Variants in NFE2L3 observed in about 807,000 individuals in gnomAD.
NFE2L3 encodes NFE2 like bZIP transcription factor 3, also known as nuclear factor erythroid 2-related factor 3.
In NFE2L3, 18 loss-of-function variants were observed where a neutral mutation model predicts 23.5. That is an observed-to-expected ratio of 0.77 (90% CI 0.53 to 1.13). The LOEUF is 1.13. Ranked by LOEUF, NFE2L3 falls within the 50% of genes most tolerant of loss-of-function variation. The pLI, the probability that NFE2L3 is intolerant of heterozygous loss-of-function variation, is 0.00. For synonymous variants in NFE2L3, 424 were observed against 354.5 expected (o/e 1.20, Z -2.20); for missense variants, 1,152 against 877.2 (o/e 1.31, Z -3.96).
At chr7:26,171,032 C>G (rs568120250) in intron 1 of NFE2L3, among the ~76,000 whole-genome samples, 2 of 152,338 alleles carry the variant, frequency 1.3e-5, no homozygotes, top group Non-Finnish European at 2.9e-5. Flanking sequence ...TTTCATCTAT[C>G]AGATTGGCAC....
intron 1 of NFE2L3, among the ~76,000 whole-genome samples, chr7:26,155,620 T>G (rs1451173635): frequency 6.6e-6 from 1 of 152,176 alleles, no homozygotes; most frequent in Non-Finnish European, 1.5e-5. Context: ...GACGTCTCAG[T>G]GCATCTGGGA....
rs1488598965 is a variant in NFE2L3 at position 26,186,554 on chromosome 7, C to G, written c.*771C>G. The G allele has an allele frequency of 1.3e-5, 2 of 152,154 alleles. No individual in the cohort carries two copies. Among genetic ancestry groups the G allele is most frequent in the East Asian group, 3.8e-4 (2 of 5,200 alleles). The allele number at this position is 152,154 out of a possible 1,614,324, so 9.4% of individuals were successfully genotyped here. A position where few individuals can be genotyped will look rare whatever the true frequency, so the allele number is the denominator to read the frequency against. ...GGTCACTGGTAGTTTGAGCCACAGGCCTTCCTCATGTAACCAGAGACAGAA... is the reference window on the plus strand; with the variant it reads ...GGTCACTGGTAGTTTGAGCCACAGGGCTTCCTCATGTAACCAGAGACAGAA... On this transcript the variant is annotated 3_prime_UTR_variant, in exon 4 of 4. Coordinates refer to ENST00000056233, the MANE Select transcript of NFE2L3 (RefSeq NM_004289.7).
At position 26,171,549 on chromosome 7, in the gene NFE2L3, GAAA is replaced by G. The variant is rs1272593823; in HGVS notation, c.571-6382_571-6380del. ...ACAAGATCAAAACTCCTTCTGAAAAGAAAAAAAAAAAAAAGAAGCCAGTTAAAT... is the reference window on the plus strand; with the variant it reads ...ACAAGATCAAAACTCCTTCTGAAAAGAAAAAAAAAAAGAAGCCAGTTAAAT... On this transcript the variant is annotated intron_variant, in intron 1 of 3. Coordinates refer to ENST00000056233, the MANE Select transcript of NFE2L3 (RefSeq NM_004289.7). Among the ~76,000 whole-genome samples the G allele has an allele frequency of 7.8e-5, 8 of 102,532 alleles. No homozygotes were observed. The East Asian group carries it at 1.7e-3, about 22-fold the overall frequency. The allele number at this position is 102,532 out of a possible 152,430, so 67.3% of individuals were successfully genotyped here. A position where few individuals can be genotyped will look rare whatever the true frequency, so the allele number is the denominator to read the frequency against.
At chr7:26,163,342 A>G (rs1784200502) in intron 1 of NFE2L3, among the ~76,000 whole-genome samples, 1 of 152,102 alleles carries the variant, frequency 6.6e-6, no homozygotes, top group Non-Finnish European at 1.5e-5. Flanking sequence ...AGAAATTCCC[A>G]AGGATTCTTT....
intron 1 of NFE2L3, among the ~76,000 whole-genome samples, chr7:26,153,581 C>G (rs1307014322): frequency 6.6e-6 from 1 of 152,218 alleles, no homozygotes; most frequent in Non-Finnish European, 1.5e-5. Flanking sequence ...GAGCCATGGT[C>G]AGGGTCTATT....
chr7:26,180,718 GCTAGGCACAGA>G (rs996630622), intron 2 of NFE2L3, among the ~76,000 whole-genome samples: 1 of 151,976 alleles, frequency 6.6e-6, no homozygotes, highest in African/African-American at 2.4e-5. Flanking sequence ...CTAATTCACT[GCTAGGCACAGA>G]CTAGGCACTT....
intron 1 of NFE2L3, among the ~76,000 whole-genome samples, chr7:26,153,413 G>A (rs1037549662): frequency 6.6e-6 from 1 of 152,166 alleles, no homozygotes; most frequent in African/African-American, 2.4e-5. Flanking sequence ...CTGGGGTGTC[G>A]TTCTCTGGGA....
intron 2 of NFE2L3, among the ~76,000 whole-genome samples, chr7:26,181,537 C>T (rs146501801): frequency 6.6e-6 from 1 of 152,250 alleles, no homozygotes; most frequent in African/African-American, 2.4e-5. Context: ...CTACCATCAC[C>T]ATCAAGAATC....
Position 26,184,771 on chromosome 7 carries a change from G to T in NFE2L3, c.1073G>T (p.Gly358Val), listed in dbSNP as rs751438206. 2.5e-6 allele frequency: 4 copies of T among 1,613,872 alleles called. No homozygotes were observed. The highest frequency in any genetic ancestry group is 3.4e-6 in the Non-Finnish European group (4 of 1,179,828). Reference sequence around the variant, plus strand: ...ACCAATCCTGAGCAAACCCTTCCTGGAACTAATTTGACAGGATTTCTTTCA... The same window carrying T: ...ACCAATCCTGAGCAAACCCTTCCTGTAACTAATTTGACAGGATTTCTTTCA... Reference protein sequence around the residue: ...HTTNPEQTLPGTNLTGFLSPV... With the variant: ...HTTNPEQTLPVTNLTGFLSPV... Residue 358 changes from glycine (G) to valine (V), a missense_variant, in exon 4 of 4, where the codon GGA (glycine) becomes GTA (valine). By Grantham distance (109) the Gly-to-Val change is moderately radical. Coordinates refer to ENST00000056233, the MANE Select transcript of NFE2L3 (RefSeq NM_004289.7).
intron 1 of NFE2L3, among the ~76,000 whole-genome samples, chr7:26,170,974 T>C (rs1340350370): frequency 6.6e-6 from 1 of 152,192 alleles, no homozygotes; most frequent in Non-Finnish European, 1.5e-5. Context: ...GGTGAGAGGA[T>C]CACTTGAGCC....
chr7:26,174,090 G>A (rs945126610), intron 1 of NFE2L3: 10 of 152,402 alleles, frequency 6.6e-5, no homozygotes, highest in African/African-American at 2.4e-4. Context: ...TGTGAAGTGG[G>A]AGAGTGCTTG....
intron 2 of NFE2L3, among the ~76,000 whole-genome samples, chr7:26,181,580 A>G (rs1784510693): frequency 1.3e-5 from 2 of 152,170 alleles, no homozygotes; most frequent in African/African-American, 4.8e-5. Context: ...CTGGAAAATG[A>G]TATAAACACT....
At position 26,186,794 on chromosome 7, in the gene NFE2L3, A is replaced by AT. The variant is rs1241777664; in HGVS notation, c.*1014dup. 6.6e-6 allele frequency: 1 copy of AT among 152,242 alleles called. No homozygotes were observed. The highest frequency in any genetic ancestry group is 2.4e-5 in the African/African-American group (1 of 41,466). 9.4% of individuals were successfully genotyped at this position (152,242 alleles called of 1,614,324 possible). On this transcript the variant is annotated 3_prime_UTR_variant, in exon 4 of 4. Transcript: ENST00000056233. ...CGATTAAGGGAAAAAAAACAGGTGA[A>AT]TTTGAAAATAAACCAGGGTAAGGTA...
intron 2 of NFE2L3, 67 bp from the exon 3 acceptor site, chr7:26,183,634 T>TA (rs370531562): frequency 1.7e-5 from 16 of 933,908 alleles, no homozygotes; most frequent in Non-Finnish European, 2.8e-5. Context: ...CCTTTAAAGA[T>TA]AAAGCCTAAA....
At chr7:26,184,237 C>CTTA (rs1412215804) in intron 3 of NFE2L3, 1 of 372,484 alleles carries the variant, frequency 2.7e-6, no homozygotes, top group Non-Finnish European at 4.9e-6. Flanking sequence ...TGAGTTGCAT[C>CTTA]TTATTATAAA....
chr7:26,184,745 C>G lies in NFE2L3; in HGVS notation c.1047C>G (p.Thr349=). The change falls in exon 4 of 4, where the codon ACC becomes ACG. Residue 349 remains threonine, a synonymous_variant. Transcript: ENST00000056233. ...QEPFLQLNSH[T]TNPEQTLPGT... is the part of the protein sequence containing the mutation. ...CATTTCTGCAGTTAAATTCTCATAC[C>G]ACCAATCCTGAGCAAACCCTTCCTG... 1 of 1,613,894 alleles carries G rather than the reference C, an allele frequency of 6.2e-7. No individual in the cohort carries two copies. The highest frequency in any genetic ancestry group is 1.3e-5 in the African/African-American group (1 of 75,030).
chr7:26,167,175 G>A lies in NFE2L3; in HGVS notation c.571-10768G>A, dbSNP rs145145935. On this transcript the variant is annotated intron_variant, in intron 1 of 3. Coordinates refer to ENST00000056233, the MANE Select transcript of NFE2L3 (RefSeq NM_004289.7). ...GACTCTTCTGCTCTGCTTCTTACCC[G>A]GGTGGCAAAGGTGAATGGCTGGAGG... 9.9e-5 allele frequency among the ~76,000 whole-genome samples: 15 copies of A among 152,264 alleles called. No individual in the cohort carries two copies. In the East Asian group the frequency reaches 1.5e-3, roughly 16 times the overall value.
At position 26,185,000 on chromosome 7, in the gene NFE2L3, G is replaced by A. The variant is rs146418552; in HGVS notation, c.1302G>A (p.Lys434=). 4.2e-4 allele frequency: 676 copies of A among 1,613,844 alleles called. 1 individual carries two copies. The highest frequency in any genetic ancestry group is 1.3e-3 in the Middle Eastern group (8 of 6,056). Residue 434 remains lysine, a synonymous_variant, in exon 4 of 4, where the codon AAG becomes AAA. Transcript: ENST00000056233. ...GTCACAATAATACCTCTGTCATCAA[G>A]TCTAATTCCTCTCACTCTGTGTGTG... ...DSSHNNTSVI[K]SNSSHSVCDE... is the part of the protein sequence containing the mutation.
Position 26,185,104 on chromosome 7 carries a change from A to G in NFE2L3, c.1406A>G (p.Tyr469Cys). Residue 469 changes from tyrosine to cysteine, a missense_variant, in exon 4 of 4, where the codon TAC becomes TGC. Coordinates refer to ENST00000056233, the MANE Select transcript of NFE2L3 (RefSeq NM_004289.7). ...TTAGAAGGTGCTGTAGGTGGCTACT[A>G]CCCAGAACCCAGTAAGCTTTGTCAC... Reference protein sequence around the residue: ...HDLEGAVGGYYPEPSKLCHLD... With the variant: ...HDLEGAVGGYCPEPSKLCHLD... 1 of 1,613,882 alleles carries G rather than the reference A, an allele frequency of 6.2e-7. No individual in the cohort carries two copies. The highest frequency in any genetic ancestry group is 8.5e-7 in the Non-Finnish European group (1 of 1,179,840).
Sources: allele counts gnomAD v4.1 joint callset (sites outside exome capture counted in the v4.1 genomes callset), GRCh38; gene constraint gnomAD v4.1.1; transcripts MANE v1.5; gene names NCBI Gene and HGNC (gene_info 2026-07-23, HGNC 2026-07-21).